The following POU6F2 variants were observed in gnomAD, a reference collection of about 807,000 sequenced individuals.
POU6F2 encodes POU class 6 homeobox 2.
Under a neutral mutation model 71.3 loss-of-function variants are expected in POU6F2, and 31 were observed. The ratio of observed to expected loss-of-function variants is 0.43; its 90% CI spans 0.33 to 0.59. The LOEUF (loss-of-function observed/expected upper bound fraction) is 0.59. Among genes scored for constraint, POU6F2 ranks in the 20% least tolerant of loss-of-function variants. The pLI, the probability that POU6F2 is intolerant of heterozygous loss-of-function variation, is 0.04. For missense variants in POU6F2, 783 were observed against 856.8 expected (o/e 0.91, Z 1.07); for synonymous variants, 347 against 355.7 (o/e 0.98, Z 0.27).
At chr7:39,024,584 A>C (rs702823) in intron 1 of POU6F2, among the ~76,000 whole-genome samples, 7 of 151,904 alleles carry the variant, frequency 4.6e-5, no homozygotes, top group African/African-American at 7.3e-5. Flanking sequence ...GTCTTGTGCC[A>C]GTTTTCAAAG....
intron 4 of POU6F2, among the ~76,000 whole-genome samples, chr7:39,296,986 A>G (rs1784857976): frequency 6.6e-6 from 1 of 152,194 alleles, no homozygotes; most frequent in South Asian, 2.1e-4. Flanking sequence ...TATCAGAACA[A>G]TATGTACAGC....
At chr7:39,309,153 C>A (rs1279122809) in intron 4 of POU6F2, among the ~76,000 whole-genome samples, 3 of 152,128 alleles carry the variant, frequency 2.0e-5, no homozygotes, top group Non-Finnish European at 1.5e-5. Context: ...GAGTCGGGCA[C>A]AGAATATAGC....
chr7:39,175,035 C>T (rs1793301547), intron 2 of POU6F2, among the ~76,000 whole-genome samples: 1 of 151,988 alleles, frequency 6.6e-6, no homozygotes, highest in South Asian at 2.1e-4. Flanking sequence ...TTACTTTTTC[C>T]CTTTGGTTAT....
chr7:39,339,667 C>G lies in POU6F2; in HGVS notation c.624C>G (p.Leu208=). The G allele has an allele frequency of 1.3e-6, 2 of 1,599,434 alleles. No homozygotes were observed. The highest frequency in any genetic ancestry group is 1.7e-6 in the Non-Finnish European group (2 of 1,177,296). The part of the protein sequence containing the change: ...LQATSSLNSQ[L]QQLQLQLQQQ... ...CTACCTCATCCCTGAACTCCCAGCT[C>G]CAGCAGCTCCAGCTCCAGCTCCAGC... is the stretch of plus-strand genomic sequence containing the variant. The change falls in exon 5 of 10, where the codon CTC becomes CTG. Residue 208 remains leucine, a synonymous_variant. Transcript: ENST00000518318.
chr7:39,377,694 G>A (rs1282276982), intron 5 of POU6F2, among the ~76,000 whole-genome samples: 1 of 151,344 alleles, frequency 6.6e-6, no homozygotes, highest in Admixed American at 6.6e-5. Context: ...TTTGCCATGT[G>A]TGTTCCAAGA....
intron 2 of POU6F2, among the ~76,000 whole-genome samples, chr7:39,177,649 C>A (rs1319167301): frequency 6.6e-6 from 1 of 152,200 alleles, no homozygotes; most frequent in Non-Finnish European, 1.5e-5. Context: ...TGAACTTGGC[C>A]TGAAAGGTCC....
At chr7:39,180,804 C>T (rs889439775) in intron 2 of POU6F2, among the ~76,000 whole-genome samples, 3 of 152,158 alleles carry the variant, frequency 2.0e-5, no homozygotes, top group African/African-American at 7.2e-5. Context: ...TCCCTCTTCT[C>T]CCTACCAGCT....
chr7:39,301,359 C>G lies in POU6F2; in HGVS notation c.599-38283C>G, dbSNP rs187861733. On this transcript the variant is annotated intron_variant, in intron 4 of 9. Transcript: ENST00000518318. ...GGTTTTACAGCCTTTCCTCCAGGCA[C>G]TGTTCCTTTATCAATCACATCAGCG... Among the ~76,000 whole-genome samples the G allele has an allele frequency of 2.7e-3, 411 of 152,346 alleles. 3 individuals are homozygous for G. The highest frequency in any genetic ancestry group is 8.7e-3 in the African/African-American group (363 of 41,590).
At chr7:39,026,904 T>G (rs1789818807) in intron 1 of POU6F2, among the ~76,000 whole-genome samples, 1 of 152,088 alleles carries the variant, frequency 6.6e-6, no homozygotes, top group Non-Finnish European at 1.5e-5. Context: ...GATGGATATT[T>G]TCATCTCCTC....
chr7:39,150,225 CTGTGTGTGTGTGTGTGTG>C (rs60761447), intron 2 of POU6F2, among the ~76,000 whole-genome samples: 1 of 141,244 alleles, frequency 7.1e-6, no homozygotes, highest in South Asian at 2.3e-4. Flanking sequence ...AGTAATATGT[CTGTGTGTGTGTGTGTGTG>C]TGTGTGTGTG....
chr7:39,226,813 T>C (rs1394511045), intron 4 of POU6F2, among the ~76,000 whole-genome samples: 1 of 152,200 alleles, frequency 6.6e-6, no homozygotes, highest in African/African-American at 2.4e-5. Flanking sequence ...GACTCTTCCT[T>C]TTCTGTTTGA....
At chr7:39,067,776 TGTGA>T (rs1790789852) in intron 1 of POU6F2, among the ~76,000 whole-genome samples, 1 of 152,126 alleles carries the variant, frequency 6.6e-6, no homozygotes, top group Non-Finnish European at 1.5e-5. Flanking sequence ...AGGTAAAGGA[TGTGA>T]GTAATTTATA....
intron 4 of POU6F2, among the ~76,000 whole-genome samples, chr7:39,334,169 G>A (rs1383359773): frequency 6.6e-6 from 1 of 152,164 alleles, no homozygotes; most frequent in Non-Finnish European, 1.5e-5. Context: ...ACAGATTAAG[G>A]ACATGTGTAG....
intron 2 of POU6F2, among the ~76,000 whole-genome samples, chr7:39,154,253 C>T (rs1227367423): frequency 6.6e-6 from 1 of 152,140 alleles, no homozygotes; most frequent in African/African-American, 2.4e-5. Context: ...GCATCTAAGA[C>T]AGTAGCTGCA....
rs1040499160 is a variant in POU6F2, at chr7:39,339,753, C to A, written c.710C>A (p.Ala237Asp). The A allele has an allele frequency of 6.3e-7, 1 of 1,597,790 alleles. No homozygotes were observed. Among genetic ancestry groups the A allele is most frequent in the Admixed American group, 1.7e-5 (1 of 57,246 alleles). The change falls in exon 5 of 10, where the codon GCC (alanine) becomes GAC (aspartate). Residue 237 changes from alanine to aspartate, a missense_variant. Coordinates refer to ENST00000518318, the MANE Select transcript of POU6F2 (RefSeq NM_001370959.1). ...PPSTNQHPQP[A>D]PQAPSQSQQQ... ...TCAACCAACCAGCACCCGCAACCAG[C>A]CCCACAGGCGCCCTCGCAGTCCCAG... is the stretch of plus-strand genomic sequence containing the variant.
chr7:39,101,626 G>A (rs1392259819), intron 2 of POU6F2, among the ~76,000 whole-genome samples: 1 of 151,928 alleles, frequency 6.6e-6, no homozygotes, highest in Non-Finnish European at 1.5e-5. Context: ...TCAGTTAGGA[G>A]GAATATGTTT....
intron 5 of POU6F2, among the ~76,000 whole-genome samples, chr7:39,398,082 C>G (rs979406830): frequency 2.0e-5 from 3 of 151,802 alleles, no homozygotes; most frequent in South Asian, 4.2e-4. Flanking sequence ...AAAATTTCTA[C>G]TCTTTTCTGT....
At chr7:39,421,552 T>A (rs1053228309) in intron 6 of POU6F2, among the ~76,000 whole-genome samples, 4 of 152,190 alleles carry the variant, frequency 2.6e-5, no homozygotes, top group African/African-American at 9.7e-5. Flanking sequence ...GCTCACTGAG[T>A]ATAAACACAG....
intron 2 of POU6F2, among the ~76,000 whole-genome samples, chr7:39,174,500 T>C (rs62442235): frequency 0.13 from 19,707 of 152,180 alleles, 1,300 homozygotes; most frequent in Middle Eastern, 0.15. Context: ...TTTATTTTCA[T>C]TTAGTGCTGA....
Sources: gnomAD v4.1 joint callset for allele counts (sites outside exome capture counted in the v4.1 genomes callset) on GRCh38, gnomAD v4.1.1 for gene constraint, MANE v1.5 for transcripts, NCBI Gene and HGNC (gene_info 2026-07-23, HGNC 2026-07-21) for gene names.